The following PIGL variants were observed in gnomAD, a reference collection of about 807,000 sequenced individuals.
PIGL encodes phosphatidylinositol glycan anchor biosynthesis class L, also known as N-acetylglucosaminyl-phosphatidylinositol de-N-acetylase.
A neutral mutation model predicts 31.1 loss-of-function variants in PIGL; 22 were observed. That is an observed-to-expected ratio of 0.71 (90% CI 0.51 to 1.01). The LOEUF is 1.01. Among genes scored for constraint, PIGL ranks in the 50% least tolerant of loss-of-function variants. The pLI is 0.00. For synonymous variants in PIGL, 131 were observed against 117.4 expected (o/e 1.12, Z -0.75); for missense variants, 302 against 315.9 (o/e 0.96, Z 0.33).
At chr17:16,286,684 T>TCGTC (rs1427582662) in intron 2 of PIGL, among the ~76,000 whole-genome samples, 1 of 150,862 alleles carries the variant, frequency 6.6e-6, no homozygotes, top group Non-Finnish European at 1.5e-5. Context: ...AGGGAAGGAG[T>TCGTC]CGTCGGGCTT....
chr17:16,277,749 C>T (rs920329340), intron 2 of PIGL, among the ~76,000 whole-genome samples: 2 of 152,072 alleles, frequency 1.3e-5, no homozygotes, highest in Admixed American at 6.6e-5. Context: ...AACAATTGTC[C>T]GTGGGTGACA....
intron 6 of PIGL, among the ~76,000 whole-genome samples, chr17:16,319,223 CA>C (rs11379081): frequency 2.9e-4 from 24 of 82,986 alleles, no homozygotes; most frequent in South Asian, 5.2e-4. Context: ...AGACCCTAGC[CA>C]AAAAAAAAAA....
chr17:16,317,321 A>C, intron 5 of PIGL: 1 of 990,882 alleles, frequency 1.0e-6, no homozygotes, highest in Non-Finnish European at 1.2e-6. Flanking sequence ...TTCTTATATC[A>C]ATCCTGTGAG....
chr17:16,228,670 A>G (rs148161932), intron 1 of PIGL, among the ~76,000 whole-genome samples: 1,752 of 151,326 alleles, frequency 0.012, 14 homozygotes, highest in African/African-American at 0.017. Context: ...TTACAGGCGT[A>G]AGCCACCACG....
chr17:16,252,925 A>G (rs2142730906), intron 2 of PIGL, among the ~76,000 whole-genome samples: 1 of 152,318 alleles, frequency 6.6e-6, no homozygotes, highest in Non-Finnish European at 1.5e-5. Context: ...ATGGTGAAAT[A>G]AAACAAAGAA....
chr17:16,242,213 C>T (rs540112409), intron 2 of PIGL, among the ~76,000 whole-genome samples: 6 of 152,108 alleles, frequency 3.9e-5, no homozygotes, highest in African/African-American at 1.4e-4. Flanking sequence ...ACCACCATGC[C>T]CAGCTAATTT....
At chr17:16,240,395 T>C (rs4470185) in intron 2 of PIGL, among the ~76,000 whole-genome samples, 73,266 of 151,908 alleles carry the variant, frequency 0.48, 18,009 homozygotes, top group Middle Eastern at 0.58. Context: ...CCAGGCTGGT[T>C]TGGAACTCCT....
At chr17:16,323,612 T>C (rs2093115040) in intron 6 of PIGL, among the ~76,000 whole-genome samples, 1 of 139,232 alleles carries the variant, frequency 7.2e-6, no homozygotes. Flanking sequence ...CACTGATCTT[T>C]TTTTTTTTTT....
At chr17:16,274,143 C>G (rs888182549) in intron 2 of PIGL, among the ~76,000 whole-genome samples, 4 of 152,140 alleles carry the variant, frequency 2.6e-5, no homozygotes, top group African/African-American at 9.7e-5. Context: ...AACCTTAGTA[C>G]TGGTCAGTTG....
intron 2 of PIGL, among the ~76,000 whole-genome samples, chr17:16,265,339 A>G (rs1020735943): frequency 2.0e-5 from 3 of 152,202 alleles, no homozygotes; most frequent in Non-Finnish European, 4.4e-5. Flanking sequence ...TGATTAGGAC[A>G]GATGATTTAG....
At chr17:16,285,097 A>AG (rs2092931728) in intron 2 of PIGL, among the ~76,000 whole-genome samples, 1 of 152,144 alleles carries the variant, frequency 6.6e-6, no homozygotes, top group South Asian at 2.1e-4. Context: ...CTGAGATTAC[A>AG]GGGGTGAGAC....
chr17:16,227,497 A>G (rs993129872), intron 1 of PIGL, among the ~76,000 whole-genome samples: 2 of 151,896 alleles, frequency 1.3e-5, no homozygotes, highest in Non-Finnish European at 2.9e-5. Flanking sequence ...AAGTATGGCT[A>G]TATTGGCTGA....
intron 2 of PIGL, among the ~76,000 whole-genome samples, chr17:16,279,097 A>T (rs2142787844): frequency 6.6e-6 from 1 of 152,356 alleles, no homozygotes; most frequent in Non-Finnish European, 1.5e-5. Context: ...TTGGTGCTGC[A>T]GTCTATTTCC....
At chr17:16,252,082 T>G (rs892104385) in intron 2 of PIGL, among the ~76,000 whole-genome samples, 2 of 150,886 alleles carry the variant, frequency 1.3e-5, no homozygotes, top group African/African-American at 4.9e-5. Context: ...TTTTTTTTCT[T>G]TTTTTTTGTT....
intron 2 of PIGL, among the ~76,000 whole-genome samples, chr17:16,281,187 C>T (rs943851576): frequency 6.6e-6 from 1 of 151,850 alleles, no homozygotes; most frequent in East Asian, 1.9e-4. Flanking sequence ...ATGCATGGAC[C>T]CCTGAGAATT....
chr17:16,252,549 A>G (rs1271939596), intron 2 of PIGL, among the ~76,000 whole-genome samples: 1 of 150,276 alleles, frequency 6.7e-6, no homozygotes, highest in Non-Finnish European at 1.5e-5. Flanking sequence ...GTAAGCCTTT[A>G]TTACTTTAAA....
At chr17:16,258,425 G>T (rs926284897) in intron 2 of PIGL, among the ~76,000 whole-genome samples, 5 of 151,254 alleles carry the variant, frequency 3.3e-5, no homozygotes, top group Non-Finnish European at 2.9e-5. Context: ...TGATCTGCCC[G>T]CCTCGGCCTC....
intron 2 of PIGL, among the ~76,000 whole-genome samples, chr17:16,255,683 C>T (rs1222724617): frequency 6.6e-6 from 1 of 152,188 alleles, no homozygotes; most frequent in Non-Finnish European, 1.5e-5. Flanking sequence ...TAGCTTGCTG[C>T]CAAAGCGGAT....
At chr17:16,325,737 C>T in intron 6 of PIGL, 63 bp from the exon 7 acceptor site, 1 of 1,227,834 alleles carries the variant, frequency 8.1e-7, no homozygotes, top group Non-Finnish European at 1.2e-6. Flanking sequence ...GAGGCCAGAT[C>T]TGAAAGTAAT....
Sources: allele counts gnomAD v4.1 joint callset (sites outside exome capture counted in the v4.1 genomes callset), GRCh38; gene constraint gnomAD v4.1.1; transcripts MANE v1.5; gene names NCBI Gene and HGNC (gene_info 2026-07-23, HGNC 2026-07-21).